The following LINGO2 variants were observed in gnomAD, a reference collection of about 807,000 sequenced individuals.
The protein encoded by LINGO2 is leucine-rich repeat and immunoglobulin-like domain-containing nogo receptor-interacting protein 2.
A neutral mutation model predicts 30.6 loss-of-function variants in LINGO2; 14 were observed. The ratio of observed to expected loss-of-function variants is 0.46; its 90% confidence interval spans 0.30 to 0.72. The LOEUF (loss-of-function observed/expected upper bound fraction) is 0.72, where lower values mean the gene tolerates loss of function less well. Among genes scored for constraint, LINGO2 ranks in the 30% least tolerant of loss-of-function variants. The pLI is 0.07. For synonymous variants in LINGO2, 317 were observed against 288.5 expected, an observed-to-expected ratio of 1.10 and a Z score of -1.00; for missense variants, 729 against 751.7, an observed-to-expected ratio of 0.97 and a Z score of 0.35.
the LINGO2 span, among the ~76,000 whole-genome samples, chr9:28,710,871 G>A: frequency 1.3e-5 from 2 of 152,188 alleles, no homozygotes; most frequent in East Asian, 3.9e-4. Context: ...ACAGAACAGT[G>A]TTAAAGAAAA....
intron 4 of LINGO2, among the ~76,000 whole-genome samples, chr9:28,146,400 AC>A (rs1240370494): frequency 7.9e-5 from 12 of 152,244 alleles, no homozygotes; most frequent in African/African-American, 2.9e-4. Context: ...CACTAGTTAG[AC>A]TAATCTAGCA....
chr9:28,564,015 C>T (rs1823237950), intron 1 of LINGO2, among the ~76,000 whole-genome samples: 1 of 152,130 alleles, frequency 6.6e-6, no homozygotes, highest in South Asian at 2.1e-4. Context: ...AGACCAATGT[C>T]TGCACATACG....
chr9:28,263,513 G>T (rs1822638314), intron 4 of LINGO2, among the ~76,000 whole-genome samples: 1 of 151,922 alleles, frequency 6.6e-6, no homozygotes, highest in African/African-American at 2.4e-5. Context: ...CCTATCTCAA[G>T]ATTTGCCTAT....
At chr9:28,889,394 G>A in the LINGO2 span, among the ~76,000 whole-genome samples, 1 of 151,930 alleles carries the variant, frequency 6.6e-6, no homozygotes, top group Middle Eastern at 3.4e-3. Context: ...CTAAGACATA[G>A]CAGTATTTCC....
At chr9:28,331,779 T>A (rs527399292) in intron 3 of LINGO2, among the ~76,000 whole-genome samples, 6 of 152,160 alleles carry the variant, frequency 3.9e-5, no homozygotes, top group Non-Finnish European at 8.8e-5. Flanking sequence ...AATGATAGGA[T>A]TACAGGATGA....
At chr9:29,132,287 A>C in the LINGO2 span, among the ~76,000 whole-genome samples, 2 of 152,126 alleles carry the variant, frequency 1.3e-5, no homozygotes, top group East Asian at 3.9e-4. Context: ...CTTCCTAGAA[A>C]TGAATCAAAA....
chr9:28,892,709 A>C, the LINGO2 span, among the ~76,000 whole-genome samples: 1 of 151,998 alleles, frequency 6.6e-6, no homozygotes, highest in African/African-American at 2.4e-5. Context: ...TATTGACTTT[A>C]ATTTTGTCAG....
intron 1 of LINGO2, among the ~76,000 whole-genome samples, chr9:28,494,379 C>G (rs1819505978): frequency 6.6e-6 from 1 of 152,106 alleles, no homozygotes; most frequent in Non-Finnish European, 1.5e-5. Flanking sequence ...CCCCCCACCC[C>G]ACTACAGGCC....
intron 1 of LINGO2, among the ~76,000 whole-genome samples, chr9:28,565,318 G>C (rs1479453397): frequency 1.3e-5 from 2 of 151,160 alleles, no homozygotes; most frequent in African/African-American, 4.9e-5. Flanking sequence ...CTCCCAAGTA[G>C]CTGGGACTAC....
chr9:28,104,573 T>A (rs867660643), intron 4 of LINGO2, among the ~76,000 whole-genome samples: 1 of 152,084 alleles, frequency 6.6e-6, no homozygotes, highest in African/African-American at 2.4e-5. Context: ...TACATGTTTT[T>A]TTTCAATTAC....
chr9:28,912,201 C>T, the LINGO2 span, among the ~76,000 whole-genome samples: 2 of 152,012 alleles, frequency 1.3e-5, no homozygotes, highest in Non-Finnish European at 2.9e-5. Flanking sequence ...AAGCTAAAAG[C>T]CTATAAAGTG....
the LINGO2 span, among the ~76,000 whole-genome samples, chr9:29,021,562 CA>C: frequency 1.3e-5 from 2 of 151,914 alleles, no homozygotes; most frequent in Admixed American, 1.3e-4. Flanking sequence ...GAGGCTGAGG[CA>C]GGAGAATTGC....
chr9:28,716,054 T>G, the LINGO2 span, among the ~76,000 whole-genome samples: 1 of 152,016 alleles, frequency 6.6e-6, no homozygotes, highest in African/African-American at 2.4e-5. Flanking sequence ...GCAATACTCC[T>G]GTCCACATTA....
the LINGO2 span, among the ~76,000 whole-genome samples, chr9:28,898,581 AC>A: frequency 6.6e-6 from 1 of 151,768 alleles, no homozygotes; most frequent in East Asian, 1.9e-4. Context: ...ATAGTAATCG[AC>A]CCCTTTTTTT....
chr9:28,968,665 T>G, the LINGO2 span, among the ~76,000 whole-genome samples: 2 of 152,144 alleles, frequency 1.3e-5, no homozygotes, highest in African/African-American at 4.8e-5. Flanking sequence ...ATGCAGAGAA[T>G]GAATTAGATC....
At chr9:28,598,545 C>A (rs565258231) in intron 1 of LINGO2, 2 of 152,132 alleles carry the variant, frequency 1.3e-5, no homozygotes, top group East Asian at 3.9e-4. Context: ...GCCAAATGAG[C>A]CTGCCAGGAA....
intron 4 of LINGO2, among the ~76,000 whole-genome samples, chr9:28,091,880 G>C (rs548612655): frequency 1.3e-5 from 2 of 152,214 alleles, no homozygotes; most frequent in South Asian, 4.1e-4. Flanking sequence ...CAAAAAGTGG[G>C]TGAAGGATAT....
chr9:29,098,782 C>G, the LINGO2 span, among the ~76,000 whole-genome samples: 1 of 152,080 alleles, frequency 6.6e-6, no homozygotes, highest in Admixed American at 6.5e-5. Flanking sequence ...TCAAATATAT[C>G]TGCATTTTTG....
chr9:28,838,276 A>C, the LINGO2 span, among the ~76,000 whole-genome samples: 16 of 152,310 alleles, frequency 1.1e-4, 1 homozygote, highest in South Asian at 4.1e-4. Flanking sequence ...TTGGCCAAAA[A>C]TTTAAACCAG....
Sources: allele counts gnomAD v4.1 joint callset (sites outside exome capture counted in the v4.1 genomes callset), GRCh38; gene constraint gnomAD v4.1.1; transcripts MANE v1.5; gene names NCBI Gene and HGNC (gene_info 2026-07-23, HGNC 2026-07-21).